Variants in GCNT2 observed in about 807,000 individuals in gnomAD.
The protein encoded by GCNT2 is glucosaminyl (N-acetyl) transferase 2 (I blood group).
Under a neutral mutation model 34.2 loss-of-function variants are expected in GCNT2, and 34 were observed. The ratio of observed to expected loss-of-function variants is 1.00; its 90% CI spans 0.76 to 1.32. The LOEUF is 1.32. GCNT2 is among the 40% of genes most tolerant of loss of function. The pLI is 0.00. For synonymous variants in GCNT2, 212 were observed against 188.0 expected (o/e 1.13, Z -1.04); for missense variants, 584 against 489.4 (o/e 1.19, Z -1.82).
intron 3 of GCNT2, among the ~76,000 whole-genome samples, chr6:10,591,458 C>T (rs1452222707): frequency 3.9e-5 from 6 of 152,190 alleles, no homozygotes; most frequent in African/African-American, 2.4e-5. Context: ...AAAGAATTAG[C>T]GAGCCCCACT....
intron 3 of GCNT2, among the ~76,000 whole-genome samples, chr6:10,594,470 A>G (rs2127421398): frequency 6.6e-6 from 1 of 152,322 alleles, no homozygotes; most frequent in Non-Finnish European, 1.5e-5. Flanking sequence ...AGACAAATGC[A>G]ATATTGAATT....
intron 3 of GCNT2, 133 bp downstream of exon 3, chr6:10,529,969 T>A (rs941186777): frequency 2.9e-5 from 22 of 749,510 alleles, no homozygotes; most frequent in East Asian, 1.1e-4. Context: ...AAAAAAAAAA[T>A]TTCATCTGTA....
At chr6:10,578,472 G>A (rs1373966032) in intron 3 of GCNT2, among the ~76,000 whole-genome samples, 5 of 127,892 alleles carry the variant, frequency 3.9e-5, no homozygotes, top group South Asian at 2.4e-4. Flanking sequence ...TTTTTGAGAC[G>A]GAGTCTCGCT....
intron 3 of GCNT2, among the ~76,000 whole-genome samples, chr6:10,545,097 T>G (rs1003448866): frequency 6.6e-6 from 1 of 152,216 alleles, no homozygotes; most frequent in African/African-American, 2.4e-5. Context: ...CATTCCTCTT[T>G]TTAAGAATCA....
At chr6:10,555,288 G>C (rs995570480) in intron 3 of GCNT2, among the ~76,000 whole-genome samples, 3 of 152,122 alleles carry the variant, frequency 2.0e-5, no homozygotes, top group Admixed American at 6.5e-5. Context: ...TAGTTGGTGG[G>C]AAAGTGGAAA....
At chr6:10,587,697 A>G (rs952504681) in intron 3 of GCNT2, among the ~76,000 whole-genome samples, 1 of 152,226 alleles carries the variant, frequency 6.6e-6, no homozygotes, top group African/African-American at 2.4e-5. Context: ...GCTGAGGCAG[A>G]AGATAGCACC....
chr6:10,586,238 C>T (rs1437373218), intron 3 of GCNT2: 1 of 1,614,184 alleles, frequency 6.2e-7, no homozygotes, highest in Non-Finnish European at 8.5e-7. Context: ...AGAATCACTA[C>T]ATCACAAGTC....
Position 10,585,287 on chromosome 6 carries a change from C to T in GCNT2, c.926-36064C>T, listed in dbSNP as rs572614515. On this transcript the variant is annotated intron_variant, in intron 3 of 4. Transcript: ENST00000495262. ...CTTGATCTCCTTGGCTCAAGCAATCCTCCCGCCTCAACCTCCTGAGTAGCT... is the reference window on the plus strand; with the variant it reads ...CTTGATCTCCTTGGCTCAAGCAATCTTCCCGCCTCAACCTCCTGAGTAGCT... Among the ~76,000 whole-genome samples, 25 of 152,220 alleles carry T rather than the reference C, an allele frequency of 1.6e-4. No homozygotes were observed. The South Asian group carries it at 4.2e-3, about 25-fold the overall frequency.
intron 3 of GCNT2, among the ~76,000 whole-genome samples, chr6:10,612,167 A>G (rs1253285250): frequency 6.6e-6 from 1 of 152,026 alleles, no homozygotes; most frequent in Non-Finnish European, 1.5e-5. Flanking sequence ...TTGTATTTTT[A>G]GTAGAGACAG....
At chr6:10,612,361 T>C (rs1042174230) in intron 3 of GCNT2, among the ~76,000 whole-genome samples, 6 of 152,152 alleles carry the variant, frequency 3.9e-5, no homozygotes, top group African/African-American at 1.4e-4. Context: ...CATTTGGCAA[T>C]GTCTGGAGAG....
chr6:10,587,917 A>G (rs993399821), intron 3 of GCNT2, among the ~76,000 whole-genome samples: 2 of 152,140 alleles, frequency 1.3e-5, no homozygotes, highest in Admixed American at 6.5e-5. Context: ...ACACTGCACA[A>G]CCACACCACA....
intron 1 of GCNT2, among the ~76,000 whole-genome samples, chr6:10,526,327 G>T (rs920304784): frequency 2.0e-5 from 3 of 152,160 alleles, no homozygotes; most frequent in Non-Finnish European, 4.4e-5. Flanking sequence ...GTGTTCTAGA[G>T]AATTTTCCCT....
chr6:10,584,586 T>C (rs531151932), intron 3 of GCNT2, among the ~76,000 whole-genome samples: 1 of 152,332 alleles, frequency 6.6e-6, no homozygotes, highest in South Asian at 2.1e-4. Flanking sequence ...GGGGGAAACC[T>C]GGACAATACC....
chr6:10,547,303 C>A (rs1234320029), intron 3 of GCNT2, among the ~76,000 whole-genome samples: 2 of 152,206 alleles, frequency 1.3e-5, no homozygotes, highest in East Asian at 3.9e-4. Flanking sequence ...ACTATTTAAT[C>A]CACAGACCCT....
intron 3 of GCNT2, among the ~76,000 whole-genome samples, chr6:10,596,581 A>C (rs1433545259): frequency 1.3e-5 from 2 of 151,912 alleles, no homozygotes; most frequent in Non-Finnish European, 2.9e-5. Flanking sequence ...AATGGGAAGG[A>C]GTATGGTACT....
At chr6:10,541,357 G>A (rs562990914) in intron 3 of GCNT2, among the ~76,000 whole-genome samples, 3 of 152,190 alleles carry the variant, frequency 2.0e-5, no homozygotes, top group African/African-American at 7.2e-5. Context: ...TCCTTTTTAT[G>A]GCTGCATAAT....
chr6:10,567,630 T>C (rs759752090), intron 3 of GCNT2, among the ~76,000 whole-genome samples: 1 of 152,204 alleles, frequency 6.6e-6, no homozygotes, highest in Non-Finnish European at 1.5e-5. Context: ...CTTGGATGTA[T>C]TGAACAGCTA....
chr6:10,583,466 A>G (rs958155011), intron 3 of GCNT2, among the ~76,000 whole-genome samples: 1 of 151,988 alleles, frequency 6.6e-6, no homozygotes, highest in Non-Finnish European at 1.5e-5. Context: ...CCTTTAGTTG[A>G]CCAGTTAATT....
rs560078517 is a variant in GCNT2, at chr6:10,626,815, T to G, written c.*208T>G. ...GCTGGGTAGAGCAATCTGGGCACTT[T>G]GGCCAATTTTAGTCTTGCTGTTTCT... is the stretch of plus-strand genomic sequence containing the variant. On this transcript the variant is annotated 3_prime_UTR_variant, in exon 5 of 5. Transcript: ENST00000495262. 1 of 574,588 alleles carries G rather than the reference T, an allele frequency of 1.7e-6. No homozygotes were observed. The highest frequency in any genetic ancestry group is 1.9e-5 in the African/African-American group (1 of 53,536). 35.6% of individuals were successfully genotyped at this position (574,588 alleles called of 1,614,324 possible).
Sources: gnomAD v4.1 joint callset for allele counts (sites outside exome capture counted in the v4.1 genomes callset) on GRCh38, gnomAD v4.1.1 for gene constraint, MANE v1.5 for transcripts, NCBI Gene and HGNC (gene_info 2026-07-23, HGNC 2026-07-21) for gene names.